The following SLC10A7 variants were observed in gnomAD, a reference collection of about 807,000 sequenced individuals.
SLC10A7 encodes the protein sodium/bile acid cotransporter 7.
In SLC10A7, 29 loss-of-function variants were observed where a neutral mutation model predicts 43.2. The ratio of observed to expected loss-of-function variants is 0.67; its 90% CI spans 0.50 to 0.92. The LOEUF is 0.92. Among genes scored for constraint, SLC10A7 ranks in the 40% least tolerant of loss-of-function variants. SLC10A7 has a pLI of 0.00. For synonymous variants in SLC10A7, 152 were observed against 144.8 expected (o/e 1.05, Z -0.35); for missense variants, 295 against 403.2 (o/e 0.73, Z 2.30).
intron 6 of SLC10A7, among the ~76,000 whole-genome samples, chr4:146,312,271 C>T (rs1732035614): frequency 1.3e-5 from 2 of 151,958 alleles, no homozygotes; most frequent in South Asian, 4.2e-4. Context: ...TATATGCTAG[C>T]TACTGTTCTT....
chr4:146,517,913 T>C lies in SLC10A7; in HGVS notation c.101-793A>G, dbSNP rs80339417. Among the ~76,000 whole-genome samples the C allele has an allele frequency of 9.1e-4, 138 of 152,314 alleles. 2 individuals carry two copies. The South Asian group carries it at 0.014, about 16-fold the overall frequency. On this transcript the variant is annotated intron_variant, in intron 1 of 11. Transcript: ENST00000335472. ...AGAGTATTCATTCTACAAATACTTA[T>C]TGAGCACTTGCTATGTGAATAAGAT...
At chr4:146,302,622 G>A (rs1731238186) in intron 7 of SLC10A7, among the ~76,000 whole-genome samples, 1 of 152,146 alleles carries the variant, frequency 6.6e-6, no homozygotes, top group Non-Finnish European at 1.5e-5. Context: ...AGTTGAGGTG[G>A]GAGGGTAGGC....
At chr4:146,289,809 G>A (rs372224578) in intron 9 of SLC10A7, among the ~76,000 whole-genome samples, 6 of 140,056 alleles carry the variant, frequency 4.3e-5, no homozygotes, top group African/African-American at 1.6e-4. Context: ...TCCGTCTCCC[G>A]GGTTCAAGCG....
At chr4:146,467,719 T>G (rs1733171730) in intron 4 of SLC10A7, among the ~76,000 whole-genome samples, 1 of 151,978 alleles carries the variant, frequency 6.6e-6, no homozygotes, top group Non-Finnish European at 1.5e-5. Context: ...TGTACCAACA[T>G]GCCCAACTAA....
chr4:146,416,868 A>G (rs1728605242), intron 5 of SLC10A7, among the ~76,000 whole-genome samples: 1 of 152,062 alleles, frequency 6.6e-6, no homozygotes, highest in African/African-American at 2.4e-5. Flanking sequence ...AGTTATCTCT[A>G]TATGAAACAA....
intron 4 of SLC10A7, among the ~76,000 whole-genome samples, chr4:146,484,046 C>T (rs1734716676): frequency 6.6e-6 from 1 of 151,954 alleles, no homozygotes; most frequent in African/African-American, 2.4e-5. Context: ...ACTTCAATAC[C>T]CACTTTTAAT....
intron 4 of SLC10A7, among the ~76,000 whole-genome samples, chr4:146,463,731 A>G (rs1202755326): frequency 6.6e-6 from 1 of 151,766 alleles, no homozygotes; most frequent in Non-Finnish European, 1.5e-5. Context: ...ACAGAGCAAG[A>G]CCCTGTCTTA....
chr4:146,470,087 G>A (rs12510429), intron 4 of SLC10A7, among the ~76,000 whole-genome samples: 31 of 152,148 alleles, frequency 2.0e-4, no homozygotes, highest in African/African-American at 6.8e-4. Context: ...GTATAAATAC[G>A]TTCTGACAAC....
chr4:146,287,191 A>G (rs1460982866), intron 9 of SLC10A7, among the ~76,000 whole-genome samples: 1 of 152,034 alleles, frequency 6.6e-6, no homozygotes, highest in African/African-American at 2.4e-5. Context: ...TGGAGTGGTG[A>G]GAACGACTGA....
rs369027376 is a variant in SLC10A7, at chr4:146,420,176, GA to G, written c.435+22606del. Among the ~76,000 whole-genome samples, 761 of 150,800 alleles carry G rather than the reference GA, an allele frequency of 5.0e-3. 6 individuals are homozygous for G. The highest frequency in any genetic ancestry group is 0.018 in the African/African-American group (726 of 41,204). On this transcript the variant is annotated intron_variant, in intron 5 of 11. Transcript: ENST00000335472. ...TAACACCCATGTGTTCTTCATTCAT[GA>G]AAAAAAAAGTAGTTATCTACTATAT...
intron 4 of SLC10A7, among the ~76,000 whole-genome samples, chr4:146,485,877 G>A (rs1456393472): frequency 3.3e-5 from 5 of 152,036 alleles, no homozygotes; most frequent in Non-Finnish European, 5.9e-5. Context: ...AGACAATGAC[G>A]AAAGAAAAGG....
chr4:146,416,635 G>T (rs1000267461), intron 5 of SLC10A7, among the ~76,000 whole-genome samples: 1 of 152,002 alleles, frequency 6.6e-6, no homozygotes, highest in Admixed American at 6.6e-5. Context: ...CTACTTACCA[G>T]GAGAGTATTC....
In SLC10A7 at chr4:146,283,137, T is replaced by A. The variant is rs1578778061; in HGVS notation, c.847+55A>T. ...AAGAGTTCTTTGAATATCAAAGTCA[T>A]AAGATGTAACTATATGAGGGTAATA... On this transcript the variant is annotated intron_variant, in intron 10 of 11. Coordinates refer to ENST00000335472, the MANE Select transcript of SLC10A7 (RefSeq NM_001029998.6). The A allele has an allele frequency of 5.1e-6, 7 of 1,362,414 alleles. No homozygotes were observed. The East Asian group carries it at 1.6e-4, about 31-fold the overall frequency. 84.4% of individuals were successfully genotyped at this position (1,362,414 alleles called of 1,614,324 possible).
intron 5 of SLC10A7, among the ~76,000 whole-genome samples, chr4:146,380,555 AAT>A (rs1737540884): frequency 2.0e-5 from 3 of 152,144 alleles, no homozygotes; most frequent in African/African-American, 7.2e-5. Flanking sequence ...TTTTATTTTC[AAT>A]TCAAAAACTA....
chr4:146,256,453 T>C lies in SLC10A7; in HGVS notation c.*38A>G. ...AGAATTGCTAGTATGTACAATCCTGTACATATATACATTGCTACAGAAAGT... is the reference window on the plus strand; with the variant it reads ...AGAATTGCTAGTATGTACAATCCTGCACATATATACATTGCTACAGAAAGT... On this transcript the variant is annotated 3_prime_UTR_variant, in exon 12 of 12. Transcript: ENST00000335472. 6.2e-7 allele frequency: 1 copy of C among 1,608,340 alleles called. No homozygotes were observed. Among genetic ancestry groups the C allele is most frequent in the Non-Finnish European group, 8.5e-7 (1 of 1,174,832 alleles).
chr4:146,357,551 A>G lies in SLC10A7; in HGVS notation c.436-31555T>C, dbSNP rs1735743409. 2.0e-5 allele frequency among the ~76,000 whole-genome samples: 3 copies of G among 152,234 alleles called. No individual in the cohort carries two copies. The South Asian group carries it at 6.2e-4, about 32-fold the overall frequency. The stretch of plus-strand genomic sequence containing the variant: ...CAGGAACTACTCATCGTCTACCTTA[A>G]AACAACAACCATGCTCTACCATAAG... On this transcript the variant is annotated intron_variant, in intron 5 of 11. Coordinates refer to ENST00000335472, the MANE Select transcript of SLC10A7 (RefSeq NM_001029998.6).
At chr4:146,307,994 G>C (rs78548970) in intron 6 of SLC10A7, among the ~76,000 whole-genome samples, 1 of 152,082 alleles carries the variant, frequency 6.6e-6, no homozygotes, top group African/African-American at 2.4e-5. Flanking sequence ...TTTGGAAACC[G>C]CGTGTTCTTA....
chr4:146,435,099 A>T (rs977206777), intron 5 of SLC10A7, among the ~76,000 whole-genome samples: 1 of 152,226 alleles, frequency 6.6e-6, no homozygotes, highest in Non-Finnish European at 1.5e-5. Flanking sequence ...TTTAAAAGTT[A>T]AAATCAAACA....
At chr4:146,392,729 T>C (rs1169126115) in intron 5 of SLC10A7, among the ~76,000 whole-genome samples, 2 of 152,152 alleles carry the variant, frequency 1.3e-5, no homozygotes, top group African/African-American at 4.8e-5. Context: ...CAATTCTTAA[T>C]ACTAAAGCCA....
Sources: allele counts gnomAD v4.1 joint callset (sites outside exome capture counted in the v4.1 genomes callset), GRCh38; gene constraint gnomAD v4.1.1; transcripts MANE v1.5; gene names NCBI Gene and HGNC (gene_info 2026-07-23, HGNC 2026-07-21).